BICRA: variants seen among roughly 807,000 people sequenced by gnomAD.
BICRA encodes the protein BRD4 interacting chromatin remodeling complex associated protein.
Under a neutral mutation model 96.9 loss-of-function variants are expected in BICRA, and 31 were observed. That is an observed-to-expected ratio of 0.32 (90% CI 0.24 to 0.43). The LOEUF (loss-of-function observed/expected upper bound fraction) is 0.43. BICRA is among the 20% of genes least tolerant of loss of function. The pLI is 1.00. For missense variants in BICRA, 2,283 were observed against 2,190.3 expected, an observed-to-expected ratio of 1.04 and a Z score of -0.84; for synonymous variants, 1,350 against 1,071.8, an observed-to-expected ratio of 1.26 and a Z score of -5.07.
In BICRA at chr19:47,699,336, G is replaced by A; in HGVS notation, c.3526G>A (p.Asp1176Asn). 1 of 1,569,244 alleles carries A rather than the reference G, an allele frequency of 6.4e-7. No individual in the cohort carries two copies. The highest frequency in any genetic ancestry group is 8.6e-7 in the Non-Finnish European group (1 of 1,157,162). The change falls in exon 14 of 15, where the codon GAC (aspartate) becomes AAC (asparagine). Residue 1176 changes from aspartate (D) to asparagine (N), a missense_variant. By Grantham distance (23) the Asp-to-Asn change is conservative. Coordinates refer to ENST00000594866, the MANE Select transcript of BICRA (RefSeq NM_001394372.1). The surrounding 1 kb of genome is among the most constrained non-coding windows in gnomAD (Gnocchi z 5.0). The stretch of plus-strand genomic sequence containing the variant: ...CCCCTCAGCGGAGATGGTAATGATC[G>A]ACCGAATGTTCATTCAGGAGGAGAA... ...VSPSAEMVMI[D>N]RMFIQEEKTT...
intron 1 of BICRA, among the ~76,000 whole-genome samples, chr19:47,654,983 G>T (rs1219944390): frequency 6.6e-6 from 1 of 152,084 alleles, no homozygotes; most frequent in Non-Finnish European, 1.5e-5. Context: ...CATATTTGCA[G>T]ATTTCATCTA....
intron 1 of BICRA, among the ~76,000 whole-genome samples, chr19:47,618,634 T>C (rs1478723922): frequency 1.3e-5 from 2 of 152,182 alleles, no homozygotes; most frequent in Admixed American, 6.5e-5. Context: ...CACTCTCCCT[T>C]TGAAGTGCTT....
chr19:47,638,076 C>T (rs758655114), intron 1 of BICRA, among the ~76,000 whole-genome samples: 26 of 152,152 alleles, frequency 1.7e-4, no homozygotes, highest in Non-Finnish European at 4.4e-5. Context: ...TCGGCACCCA[C>T]GGGTCTCTGC....
chr19:47,681,053 C>A lies in BICRA; in HGVS notation c.1883C>A (p.Pro628His). ...ACGGTGCAGCCTGCCCCCCAGGCGC[C>A]CCCCGCGGTCAGCACACCCCTGCCC... is the stretch of plus-strand genomic sequence containing the variant. Reference protein sequence around the residue: ...VLTVQPAPQAPPAVSTPLPLG... With the variant: ...VLTVQPAPQAHPAVSTPLPLG... Residue 628 changes from proline to histidine, a missense_variant, in exon 6 of 15, where the codon CCC (proline) becomes CAC (histidine). Pro to His is a moderately conservative substitution (Grantham distance 77). Transcript: ENST00000594866. 7.1e-7 allele frequency: 1 copy of A among 1,406,910 alleles called. No homozygotes were observed. Among genetic ancestry groups the A allele is most frequent in the Non-Finnish European group, 9.2e-7 (1 of 1,087,484 alleles). The allele number at this position is 1,406,910 out of a possible 1,614,324, so 87.2% of individuals were successfully genotyped here. A position where few individuals can be genotyped will look rare whatever the true frequency, so the allele number is the denominator to read the frequency against.
chr19:47,702,458 G>A lies in BICRA; in HGVS notation c.*43G>A, dbSNP rs749173835. 7.0e-7 allele frequency: 1 copy of A among 1,431,212 alleles called. No individual in the cohort carries two copies. The highest frequency in any genetic ancestry group is 9.1e-7 in the Non-Finnish European group (1 of 1,104,400). 88.7% of individuals were successfully genotyped at this position (1,431,212 alleles called of 1,614,324 possible). Reference sequence around the variant, plus strand: ...TTCCCCGTCCCCTCCTCCCGAAGACGCCGGGACAGTCGGGTGTCCGCCCTC... The same window carrying A: ...TTCCCCGTCCCCTCCTCCCGAAGACACCGGGACAGTCGGGTGTCCGCCCTC... On this transcript the variant is annotated 3_prime_UTR_variant, in exon 15 of 15. Transcript: ENST00000594866.
At position 47,699,287 on chromosome 19, in the gene BICRA, T is replaced by G. The variant is rs1349298912; in HGVS notation, c.3493-16T>G. 38 of 1,483,494 alleles carry G rather than the reference T, an allele frequency of 2.6e-5. No individual in the cohort carries two copies. The highest frequency in any genetic ancestry group is 7.3e-5 in the East Asian group (3 of 40,820). The allele number at this position is 1,483,494 out of a possible 1,614,324, so 91.9% of individuals were successfully genotyped here. On this transcript the variant is annotated splice_polypyrimidine_tract_variant and intron_variant, in intron 13 of 14. Transcript: ENST00000594866. This position sits in a 1 kb window ranked among gnomAD's most constrained non-coding sequence, Gnocchi z 5.0. Reference sequence around the variant, plus strand: ...CTTGCTGGTTCACTCGCACGTCGTCTTTTCCCCCACCCCAGAGGGTGAGCC... The same window carrying G: ...CTTGCTGGTTCACTCGCACGTCGTCGTTTCCCCCACCCCAGAGGGTGAGCC...
At position 47,695,032 on chromosome 19, in the gene BICRA, C is replaced by T. The variant is rs1287512384; in HGVS notation, c.3028C>T (p.Pro1010Ser). ...LVSGQAPSGT[P>S]TAPSHAPAPA... Reference sequence around the variant, plus strand: ...CAGTGGGCAGGCCCCATCTGGGACCCCCACTGCCCCCAGCCACGCCCCCGC... The same window carrying T: ...CAGTGGGCAGGCCCCATCTGGGACCTCCACTGCCCCCAGCCACGCCCCCGC... The change falls in exon 9 of 15, where the codon CCC becomes TCC. Residue 1010 changes from proline (P) to serine (S), a missense_variant. Physicochemically the swap from Pro to Ser is moderately conservative, Grantham distance 74. Coordinates refer to ENST00000594866, the MANE Select transcript of BICRA (RefSeq NM_001394372.1). 21 of 1,500,010 alleles carry T rather than the reference C, an allele frequency of 1.4e-5. No individual in the cohort carries two copies. The East Asian group carries it at 2.9e-4, about 21-fold the overall frequency. 92.9% of individuals were successfully genotyped at this position (1,500,010 alleles called of 1,614,324 possible).
intron 1 of BICRA, among the ~76,000 whole-genome samples, chr19:47,624,721 G>T (rs1461801486): frequency 6.6e-6 from 1 of 151,522 alleles, no homozygotes; most frequent in Non-Finnish European, 1.5e-5. Flanking sequence ...GGAAGATAGG[G>T]TCTCATTCTG....
At chr19:47,685,988 T>C (rs1231203614) in intron 7 of BICRA, among the ~76,000 whole-genome samples, 1 of 150,790 alleles carries the variant, frequency 6.6e-6, no homozygotes, top group Admixed American at 6.6e-5. Flanking sequence ...TGGAGTGCAG[T>C]GGCACGATCT....
At position 47,701,901 on chromosome 19, in the gene BICRA, C is replaced by G; in HGVS notation, c.4169C>G (p.Thr1390Ser). The change falls in exon 15 of 15, where the codon ACC becomes AGC. Residue 1390 changes from threonine to serine, a missense_variant. Physicochemically the swap from Thr to Ser is moderately conservative, Grantham distance 58 (BLOSUM62 1). Transcript: ENST00000594866. The surrounding 1 kb of genome is among the most constrained non-coding windows in gnomAD (Gnocchi z 5.4). The stretch of plus-strand genomic sequence containing the variant: ...TGCCCGCGCCTGCCACTGCGCAAGA[C>G]CTACCGCGAGAACGTGGGGGGCCCT... ...PHCPRLPLRK[T>S]YRENVGGPGA... is the part of the protein sequence containing the mutation. The G allele has an allele frequency of 6.9e-7, 1 of 1,445,432 alleles. No individual in the cohort carries two copies. The highest frequency in any genetic ancestry group is 9.0e-7 in the Non-Finnish European group (1 of 1,107,528). The allele number at this position is 1,445,432 out of a possible 1,614,324, so 89.5% of individuals were successfully genotyped here.
At chr19:47,638,401 A>G (rs1972332492) in intron 1 of BICRA, among the ~76,000 whole-genome samples, 1 of 152,124 alleles carries the variant, frequency 6.6e-6, no homozygotes, top group South Asian at 2.1e-4. Flanking sequence ...TTTTTTTGGA[A>G]TAGGGAACAC....
chr19:47,644,968 G>A (rs895894762), intron 1 of BICRA, among the ~76,000 whole-genome samples: 3 of 152,186 alleles, frequency 2.0e-5, no homozygotes, highest in Admixed American at 6.5e-5. Context: ...TTTGAGAGTA[G>A]GAATGACACG....
Position 47,680,244 on chromosome 19 carries a change from G to C in BICRA, c.1074G>C (p.Val358=), listed in dbSNP as rs888649529. ...PTPIQPKPAG[V]LPPKLYQLTP... ...CCATCCAGCCCAAGCCCGCGGGGGT[G>C]CTGCCGCCCAAGCTCTACCAGCTGA... Residue 358 remains valine (V), a synonymous_variant, in exon 6 of 15, where the codon GTG becomes GTC. Transcript: ENST00000594866. 1.3e-6 allele frequency: 2 copies of C among 1,561,150 alleles called. No homozygotes were observed. The highest frequency in any genetic ancestry group is 2.7e-5 in the African/African-American group (2 of 73,328).
At chr19:47,674,896 G>A (rs919101741) in intron 4 of BICRA, among the ~76,000 whole-genome samples, 4 of 152,180 alleles carry the variant, frequency 2.6e-5, no homozygotes, top group African/African-American at 9.7e-5. Context: ...TTCACTAGAA[G>A]CTAATCAGTC....
chr19:47,700,937 TG>T (rs1037980109), intron 14 of BICRA: 23 of 242,906 alleles, frequency 9.5e-5, no homozygotes, highest in African/African-American at 4.9e-4. Flanking sequence ...TTTTATTTAT[TG>T]TTTTTTTGTT....
chr19:47,681,994 C>T lies in BICRA; in HGVS notation c.2125C>T (p.Leu709Phe), dbSNP rs559739131. 11 of 1,569,444 alleles carry T rather than the reference C, an allele frequency of 7.0e-6. No individual in the cohort carries two copies. Among genetic ancestry groups the T allele is most frequent in the African/African-American group, 1.4e-5 (1 of 73,830 alleles). Residue 709 changes from leucine to phenylalanine, a missense_variant, in exon 7 of 15, where the codon CTC (leucine) becomes TTC (phenylalanine). Transcript: ENST00000594866. ...GTTGCAGGAGAGGAGCCAGCAGCCC[C>T]TCTCCGCAGAGGGCCCCCACCTCTC... is the stretch of plus-strand genomic sequence containing the variant. The part of the protein sequence containing the change: ...FLPQERSQQP[L>F]SAEGPHLSVP...
intron 1 of BICRA, among the ~76,000 whole-genome samples, chr19:47,630,423 C>T (rs993865163): frequency 3.9e-5 from 6 of 152,016 alleles, no homozygotes; most frequent in African/African-American, 7.2e-5. Context: ...CTGCCCGCTT[C>T]GGCCTCCCAA....
rs1237300791 is a variant in BICRA, at chr19:47,702,526, C to G, written c.*111C>G. On this transcript the variant is annotated 3_prime_UTR_variant, in exon 15 of 15. Transcript: ENST00000594866. ...AGCCGGGGATCCCCTGACGGTTTTT[C>G]TTGCCTAAGTTATTTGAGTCACAAA... is the stretch of plus-strand genomic sequence containing the variant. The G allele has an allele frequency of 7.9e-7, 1 of 1,266,064 alleles. No homozygotes were observed. The highest frequency in any genetic ancestry group is 1.0e-6 in the Non-Finnish European group (1 of 973,728). The allele number at this position is 1,266,064 out of a possible 1,614,324, so 78.4% of individuals were successfully genotyped here.
Position 47,675,577 on chromosome 19 carries a change from A to C in BICRA, c.85-274A>C, listed in dbSNP as rs1972927939. On this transcript the variant is annotated intron_variant, in intron 4 of 14. Coordinates refer to ENST00000594866, the MANE Select transcript of BICRA (RefSeq NM_001394372.1). The surrounding 1 kb of genome is among the most constrained non-coding windows in gnomAD (Gnocchi z 4.7). ...AGGGCGCAGCTTGGGCAGAGGCGTG[A>C]AGGCAGGATTCCGGAATTCGAGGCA... Among the ~76,000 whole-genome samples the C allele has an allele frequency of 6.6e-6, 1 of 152,200 alleles. No individual in the cohort carries two copies. The highest frequency in any genetic ancestry group is 2.4e-5 in the African/African-American group (1 of 41,448).
Sources: allele counts gnomAD v4.1 joint callset (sites outside exome capture counted in the v4.1 genomes callset), GRCh38; gene constraint gnomAD v4.1.1; non-coding constraint Gnocchi (gnomAD v3.1); transcripts MANE v1.5; gene names NCBI Gene and HGNC (gene_info 2026-07-23, HGNC 2026-07-21).